The following NOS3 variants were observed in gnomAD, a reference collection of about 807,000 sequenced individuals.
NOS3 encodes nitric oxide synthase 3, also known as NOS type III.
In NOS3, 98 loss-of-function variants were observed where a neutral mutation model predicts 144.9. That is an observed-to-expected ratio of 0.68 (90% CI 0.57 to 0.80). The LOEUF (loss-of-function observed/expected upper bound fraction) is 0.80, where lower values mean the gene tolerates loss of function less well. Ranked by LOEUF, NOS3 falls within the 30% of genes least tolerant of loss-of-function variation. NOS3 has a pLI of 0.00. For missense variants in NOS3, 1,465 were observed against 1,656.4 expected, an observed-to-expected ratio of 0.88 and a Z score of 2.01; for synonymous variants, 714 against 702.4, an observed-to-expected ratio of 1.02 and a Z score of -0.26.
Position 151,010,252 on chromosome 7 carries a change from C to G in NOS3, c.2650C>G (p.Pro884Ala), listed in dbSNP as rs778119632. 8.1e-6 allele frequency: 13 copies of G among 1,612,986 alleles called. No individual in the cohort carries two copies. The Admixed American group carries it at 1.2e-4, about 14-fold the overall frequency. The change falls in exon 21 of 27, where the codon CCC (proline) becomes GCC (alanine). Residue 884 changes from proline to alanine, a missense_variant. Coordinates refer to ENST00000297494, the MANE Select transcript of NOS3 (RefSeq NM_000603.5). ...GCTGCTCAGCACCTTGGCAGAAGAGCCCAGGGAACAGCAGGAGCTGGAGGC... is the reference window on the plus strand; with the variant it reads ...GCTGCTCAGCACCTTGGCAGAAGAGGCCAGGGAACAGCAGGAGCTGGAGGC... ...LRLLSTLAEE[P>A]REQQELEALS...
rs1312281138 is a variant in NOS3 at position 150,993,820 on chromosome 7, G to C, written c.17G>C (p.Ser6Thr). 2 of 1,597,644 alleles carry C rather than the reference G, an allele frequency of 1.3e-6. No homozygotes were observed. Among genetic ancestry groups the C allele is most frequent in the Non-Finnish European group, 1.7e-6 (2 of 1,175,758 alleles). Residue 6 changes from serine to threonine, a missense_variant, in exon 2 of 27, where the codon AGC (serine) becomes ACC (threonine). This residue lies in a region of NOS3 where 374 missense variants were observed against 377.0 expected (regional missense o/e 0.99). Transcript: ENST00000297494. The surrounding 1 kb of genome is among the most constrained non-coding windows in gnomAD (Gnocchi z 4.0). ...CACAGTAACATGGGCAACTTGAAGA[G>C]CGTGGCCCAGGAGCCTGGGCCACCC... Reference protein sequence around the residue: MGNLKSVAQEPGPPCG... With the variant: MGNLKTVAQEPGPPCG...
chr7:151,014,209 TG>T lies in NOS3; in HGVS notation c.*41del, dbSNP rs2117144411. On this transcript the variant is annotated 3_prime_UTR_variant, in exon 27 of 27. Coordinates refer to ENST00000297494, the MANE Select transcript of NOS3 (RefSeq NM_000603.5). ...TCCCTTCCAGTTCCGGGAGAGCGGCTGCCCGACTCAGGTCCGCCCGACCAGG... is the reference window on the plus strand; with the variant it reads ...TCCCTTCCAGTTCCGGGAGAGCGGCTCCCGACTCAGGTCCGCCCGACCAGG... The T allele has an allele frequency of 6.4e-7, 1 of 1,564,178 alleles. No individual in the cohort carries two copies. The highest frequency in any genetic ancestry group is 2.3e-5 in the East Asian group (1 of 43,270).
intron 9 of NOS3, 56 bp downstream of exon 9, chr7:150,999,420 G>A (rs1396932182): frequency 6.7e-7 from 1 of 1,501,394 alleles, no homozygotes; most frequent in African/African-American, 1.4e-5. Flanking sequence ...GCAGGAGTCT[G>A]GCTCTCACTC....
At chr7:151,011,478 C>T (rs1795303310) in intron 23 of NOS3, among the ~76,000 whole-genome samples, 1 of 143,546 alleles carries the variant, frequency 7.0e-6, no homozygotes, top group African/African-American at 2.5e-5. Flanking sequence ...GTGGTACGAT[C>T]TCGGCTTACT....
At position 151,009,440 on chromosome 7, in the gene NOS3, G is replaced by A; in HGVS notation, c.2367G>A (p.Glu789=). The part of the protein sequence containing the change: ...ILVRLDTGGQ[E]GLQYQPGDHI... Reference sequence around the variant, plus strand: ...TGCGCCTGGACACCGGAGGCCAGGAGGGGCTGCAGTACCAGCCGGGGGACC... The same window carrying A: ...TGCGCCTGGACACCGGAGGCCAGGAAGGGCTGCAGTACCAGCCGGGGGACC... Residue 789 remains glutamate (E), a synonymous_variant, in exon 20 of 27, where the codon GAG becomes GAA. Transcript: ENST00000297494. 2 of 1,548,060 alleles carry A rather than the reference G, an allele frequency of 1.3e-6. No individual in the cohort carries two copies. The highest frequency in any genetic ancestry group is 8.7e-7 in the Non-Finnish European group (1 of 1,146,138).
At chr7:151,009,672 C>T (rs927948036) in intron 20 of NOS3, 87 bp downstream of exon 20, 6 of 1,235,768 alleles carry the variant, frequency 4.9e-6, no homozygotes, top group South Asian at 3.1e-5. Context: ...GCTCAGGACC[C>T]GACCCAGGGG....
Position 150,993,855 on chromosome 7 carries a change from G to A in NOS3, c.52G>A (p.Gly18Arg). The A allele has an allele frequency of 6.2e-7, 1 of 1,601,432 alleles. No homozygotes were observed. Among genetic ancestry groups the A allele is most frequent in the African/African-American group, 1.3e-5 (1 of 74,130 alleles). ...GGAGCCTGGGCCACCCTGCGGCCTG[G>A]GGCTGGGGCTGGGCCTTGGGCTGTG... The part of the protein sequence containing the change: ...AQEPGPPCGL[G>R]LGLGLGLCGK... The change falls in exon 2 of 27, where the codon GGG becomes AGG. Residue 18 changes from glycine to arginine, a missense_variant. By Grantham distance (125) the Gly-to-Arg change is moderately radical (BLOSUM62 -2). Coordinates refer to ENST00000297494, the MANE Select transcript of NOS3 (RefSeq NM_000603.5). The surrounding 1 kb of genome is among the most constrained non-coding windows in gnomAD (Gnocchi z 4.0).
chr7:151,001,926 G>A lies in NOS3; in HGVS notation c.1608G>A (p.Gln536=). 1.2e-6 allele frequency: 2 copies of A among 1,613,594 alleles called. No individual in the cohort carries two copies. Among genetic ancestry groups the A allele is most frequent in the Non-Finnish European group, 1.7e-6 (2 of 1,180,020 alleles). The part of the protein sequence containing the change: ...SETGRAQSYA[Q]QLGRLFRKAF... ...CCGGCCGGGCCCAGAGCTACGCACA[G>A]CAGCTGGGGAGACTCTTCCGGAAGG... is the stretch of plus-strand genomic sequence containing the variant. Residue 536 remains glutamine, a synonymous_variant, in exon 13 of 27, where the codon CAG becomes CAA. Coordinates refer to ENST00000297494, the MANE Select transcript of NOS3 (RefSeq NM_000603.5).
At position 151,001,344 on chromosome 7, in the gene NOS3, GCCC is replaced by G; in HGVS notation, c.1351_1353del (p.Pro451del). The G allele has an allele frequency of 6.2e-7, 1 of 1,613,452 alleles. No individual in the cohort carries two copies. Among genetic ancestry groups the G allele is most frequent in the Non-Finnish European group, 8.5e-7 (1 of 1,179,788 alleles). ...GCCCTGCAGACTGGGCCTGGATCGT[GCCC>G]CCCATCTCGGGCAGCCTCACTCCTG... On this transcript the variant is annotated inframe_deletion, in exon 11 of 27. Transcript: ENST00000297494.
rs1037986494 is a variant in NOS3, at chr7:150,993,646, G to A, written c.-51-107G>A. 7 of 694,282 alleles carry A rather than the reference G, an allele frequency of 1.0e-5. No homozygotes were observed. The highest frequency in any genetic ancestry group is 3.7e-5 in the African/African-American group (2 of 53,822). The allele number at this position is 694,282 out of a possible 1,614,324, so 43.0% of individuals were successfully genotyped here. ...GCTGAGGCTTTAGAGCCTCCCAGCC[G>A]GGCTTGTTCCTGTCCCATTGTGTAT... On this transcript the variant is annotated intron_variant, in intron 1 of 26. Transcript: ENST00000297494. The surrounding 1 kb of genome is among the most constrained non-coding windows in gnomAD (Gnocchi z 4.0).
At chr7:151,011,066 G>GTCCTTCC in intron 23 of NOS3, 80 bp downstream of exon 23, 2 of 949,972 alleles carry the variant, frequency 2.1e-6, no homozygotes, top group Non-Finnish European at 3.3e-6. Context: ...CTGGTGAGGG[G>GTCCTTCC]TGTCACTGGA....
rs757906635 is a variant in NOS3, at chr7:151,001,792, G to A, written c.1503-29G>A. 173 of 1,613,082 alleles carry A rather than the reference G, an allele frequency of 1.1e-4. 1 individual carries two copies. The highest frequency in any genetic ancestry group is 2.3e-4 in the South Asian group (21 of 91,072). On this transcript the variant is annotated intron_variant, in intron 12 of 26. Coordinates refer to ENST00000297494, the MANE Select transcript of NOS3 (RefSeq NM_000603.5). ...GGGAGGCCCTGCCTCTGTGCACCCA[G>A]GACACCCTCACACCTTCCTCTCCCG...
intron 25 of NOS3, 62 bp from the exon 26 acceptor site, chr7:151,013,662 C>T: frequency 1.4e-6 from 2 of 1,412,032 alleles, no homozygotes; most frequent in Non-Finnish European, 1.9e-6. Context: ...CAGCCAGCAG[C>T]CCCGGGCTGC....
chr7:151,003,098 A>G lies in NOS3; in HGVS notation c.1752+794A>G. ...CCAGCTTCTAGGTGTTAAAGGCCTT[A>G]TTAGCACTAAGTACTTCCTCAGTAC... On this transcript the variant is annotated intron_variant, in intron 14 of 26. Coordinates refer to ENST00000297494, the MANE Select transcript of NOS3 (RefSeq NM_000603.5). This position sits in a 1 kb window ranked among gnomAD's most constrained non-coding sequence, Gnocchi z 4.1. The G allele has an allele frequency of 2.3e-6, 1 of 440,656 alleles. No individual in the cohort carries two copies. The highest frequency in any genetic ancestry group is 1.6e-5 in the South Asian group (1 of 61,176). The allele number at this position is 440,656 out of a possible 1,614,324, so 27.3% of individuals were successfully genotyped here. A position where few individuals can be genotyped will look rare whatever the true frequency, so the allele number is the denominator to read the frequency against.
intron 17 of NOS3, among the ~76,000 whole-genome samples, chr7:151,008,325 G>A (rs3918230): frequency 1.3e-5 from 2 of 152,154 alleles, no homozygotes; most frequent in Non-Finnish European, 2.9e-5. Flanking sequence ...AGCCAATCAC[G>A]GGTGAGCCCT....
chr7:150,995,109 T>C, intron 2 of NOS3, 94 bp from the exon 3 acceptor site: 1 of 643,380 alleles, frequency 1.6e-6, no homozygotes, highest in Non-Finnish European at 2.7e-6. Context: ...GGCTGTGAGA[T>C]CGCCAGTGCT....
At chr7:151,004,943 C>T (rs771311986) in intron 14 of NOS3, among the ~76,000 whole-genome samples, 12 of 152,084 alleles carry the variant, frequency 7.9e-5, no homozygotes, top group South Asian at 4.1e-4. Context: ...CTGCAACCTC[C>T]GCCTCCCCGG....
At chr7:151,013,488 C>A in intron 25 of NOS3, 109 bp downstream of exon 25, 1 of 1,369,024 alleles carries the variant, frequency 7.3e-7, no homozygotes, top group Non-Finnish European at 9.9e-7. Context: ...CCTCCCACGA[C>A]CACTCAGCCA....
intron 9 of NOS3, 144 bp from the exon 10 acceptor site, chr7:151,000,354 C>T: frequency 1.6e-6 from 1 of 625,826 alleles, no homozygotes; most frequent in South Asian, 1.9e-5. Flanking sequence ...AAAACCTGAA[C>T]CAGCCCCCTA....
Sources: gnomAD v4.1 joint callset for allele counts (sites outside exome capture counted in the v4.1 genomes callset) on GRCh38, gnomAD v4.1.1 for gene constraint, gnomAD v4.1.1 regional missense constraint, Gnocchi (gnomAD v3.1) non-coding constraint, MANE v1.5 for transcripts, NCBI Gene and HGNC (gene_info 2026-07-23, HGNC 2026-07-21) for gene names.